The following MIER1 variants were observed in gnomAD, a reference collection of about 807,000 sequenced individuals.
MIER1 encodes MIER1 transcriptional regulator.
MIER1 carries 40 observed loss-of-function variants against 75.7 expected under a neutral mutation model. The ratio of observed to expected loss-of-function variants is 0.53; its 90% CI spans 0.41 to 0.69. MIER1 has a LOEUF of 0.69. MIER1 is among the 30% of genes least tolerant of loss of function. The pLI is 0.00. For synonymous variants in MIER1, 213 were observed against 223.4 expected, an observed-to-expected ratio of 0.95 and a Z score of 0.42; for missense variants, 574 against 680.2, an observed-to-expected ratio of 0.84 and a Z score of 1.74.
Position 66,985,706 on chromosome 1 carries a change from T to G in MIER1, c.*806T>G. 1.0e-6 allele frequency: 1 copy of G among 985,110 alleles called. No homozygotes were observed. Among genetic ancestry groups the G allele is most frequent in the Non-Finnish European group, 1.2e-6 (1 of 829,558 alleles). 61.0% of individuals were successfully genotyped at this position (985,110 alleles called of 1,614,324 possible). A position where few individuals can be genotyped will look rare whatever the true frequency, so the allele number is the denominator to read the frequency against. ...GAATTGTTATTCTGAGTCTGTCAGC[T>G]TTCATTTTATTTTGCTAAGGTTTTT... On this transcript the variant is annotated 3_prime_UTR_variant, in exon 14 of 14. Coordinates refer to ENST00000401041, the MANE Select transcript of MIER1 (RefSeq NM_001077700.3).
At chr1:66,935,575 C>T (rs1453553099) in intron 2 of MIER1, among the ~76,000 whole-genome samples, 1 of 152,014 alleles carries the variant, frequency 6.6e-6, no homozygotes, top group Non-Finnish European at 1.5e-5. Context: ...TAATCAGTTC[C>T]CAGTGACTTT....
intron 3 of MIER1, among the ~76,000 whole-genome samples, chr1:66,943,357 A>C (rs1656699550): frequency 6.6e-6 from 1 of 152,224 alleles, no homozygotes; most frequent in Admixed American, 6.5e-5. Context: ...TTCTGGAAGA[A>C]AATTAAGATA....
At chr1:66,974,386 G>A (rs1179738910) in intron 11 of MIER1, among the ~76,000 whole-genome samples, 1 of 151,496 alleles carries the variant, frequency 6.6e-6, no homozygotes, top group African/African-American at 2.4e-5. Context: ...AAAAAAGTTC[G>A]TTGTTTCATG....
At chr1:66,945,619 TG>T (rs559426796) in intron 3 of MIER1, among the ~76,000 whole-genome samples, 1 of 152,242 alleles carries the variant, frequency 6.6e-6, no homozygotes, top group South Asian at 2.1e-4. Context: ...CCCAGGACTT[TG>T]GGACGCCAAG....
intron 8 of MIER1, among the ~76,000 whole-genome samples, chr1:66,969,647 TGTTA>T (rs1663204294): frequency 2.0e-5 from 3 of 151,986 alleles, no homozygotes; most frequent in Admixed American, 2.0e-4. Context: ...ATTTTGACGC[TGTTA>T]GTTATTCTTT....
rs909735533 is a variant in MIER1, at chr1:66,986,003, G to A, written c.*1103G>A. On this transcript the variant is annotated 3_prime_UTR_variant, in exon 14 of 14. Coordinates refer to ENST00000401041, the MANE Select transcript of MIER1 (RefSeq NM_001077700.3). ...AATATATCATGCTGACCAGAATCCT[G>A]TTATTTTTATATGCATCATAAAATT... 8 of 990,000 alleles carry A rather than the reference G, an allele frequency of 8.1e-6. No individual in the cohort carries two copies. Among genetic ancestry groups the A allele is most frequent in the African/African-American group, 3.5e-5 (2 of 57,266 alleles). 61.3% of individuals were successfully genotyped at this position (990,000 alleles called of 1,614,324 possible).
intron 1 of MIER1, 126 bp downstream of exon 1, chr1:66,925,221 C>A: frequency 1.5e-6 from 2 of 1,370,516 alleles, no homozygotes; most frequent in Non-Finnish European, 1.9e-6. Context: ...CCCGGAAGAC[C>A]CTTAACTTCC....
chr1:66,946,166 A>C lies in MIER1; in HGVS notation c.210A>C (p.Ser70=). 1 of 1,609,260 alleles carries C rather than the reference A, an allele frequency of 6.2e-7. No homozygotes were observed. Among genetic ancestry groups the C allele is most frequent in the Non-Finnish European group, 8.5e-7 (1 of 1,178,996 alleles). The stretch of plus-strand genomic sequence containing the variant: ...CCTTACCAGGAGGTTCAGCAACATC[A>C]GATGACCATGAATTTGATCCATCAG... ...ESSSPGGSAT[S]DDHEFDPSAD... is the part of the protein sequence containing the mutation. The change falls in exon 4 of 14, where the codon TCA becomes TCC. Residue 70 remains serine, a synonymous_variant. Coordinates refer to ENST00000401041, the MANE Select transcript of MIER1 (RefSeq NM_001077700.3).
intron 3 of MIER1, among the ~76,000 whole-genome samples, chr1:66,944,338 ATTTG>A (rs1268117105): frequency 6.6e-6 from 1 of 151,620 alleles, no homozygotes; most frequent in Non-Finnish European, 1.5e-5. Flanking sequence ...TCAGTAACTC[ATTTG>A]TTTATCAGTA....
chr1:66,933,327 A>G (rs1653903269), intron 2 of MIER1, among the ~76,000 whole-genome samples: 7 of 152,186 alleles, frequency 4.6e-5, no homozygotes, highest in Admixed American at 4.6e-4. Flanking sequence ...GCGTTTGTAA[A>G]CACGTAAGGG....
In MIER1 at chr1:66,987,305, G is replaced by A. The variant is rs1429179122; in HGVS notation, c.*2405G>A. 2.0e-5 allele frequency: 3 copies of A among 152,696 alleles called. No homozygotes were observed. The highest frequency in any genetic ancestry group is 4.4e-5 in the Non-Finnish European group (3 of 67,984). The allele number at this position is 152,696 out of a possible 1,614,324, so 9.5% of individuals were successfully genotyped here. ...AATATCATGAATTTAATTTGCTTAA[G>A]ATTTAGTACATTTCAGAACTTTTGA... On this transcript the variant is annotated 3_prime_UTR_variant, in exon 14 of 14. Coordinates refer to ENST00000401041, the MANE Select transcript of MIER1 (RefSeq NM_001077700.3).
Position 66,930,508 on chromosome 1 carries a change from C to T in MIER1, c.168+4266C>T, listed in dbSNP as rs545054794. ...AGGAGAGGCCCGGCCCTGCTGGCGCCGCTGCCCACCTGTTGTCCGGAACAG... is the reference window on the plus strand; with the variant it reads ...AGGAGAGGCCCGGCCCTGCTGGCGCTGCTGCCCACCTGTTGTCCGGAACAG... On this transcript the variant is annotated intron_variant, in intron 2 of 13. Coordinates refer to ENST00000401041, the MANE Select transcript of MIER1 (RefSeq NM_001077700.3). 7.5e-5 allele frequency: 88 copies of T among 1,166,354 alleles called. 1 individual carries two copies. In the South Asian group the frequency reaches 1.1e-3, roughly 15 times the overall value. The allele number at this position is 1,166,354 out of a possible 1,614,324, so 72.3% of individuals were successfully genotyped here.
intron 8 of MIER1, among the ~76,000 whole-genome samples, chr1:66,969,795 A>C (rs1018509295): frequency 3.9e-5 from 6 of 151,942 alleles, no homozygotes; most frequent in Admixed American, 3.9e-4. Flanking sequence ...CCCTATCTCC[A>C]CCATCATAAC....
intron 2 of MIER1, among the ~76,000 whole-genome samples, chr1:66,938,264 ATTG>A (rs1214891221): frequency 1.3e-5 from 2 of 152,206 alleles, no homozygotes; most frequent in East Asian, 3.8e-4. Context: ...CAAAATCTCT[ATTG>A]TTAATATCTA....
At chr1:66,958,724 A>G in intron 5 of MIER1, 127 bp from the exon 6 acceptor site, 1 of 673,184 alleles carries the variant, frequency 1.5e-6, no homozygotes, top group South Asian at 2.7e-5. Context: ...AACCCAGAGG[A>G]TGATACTACA....
intron 12 of MIER1, among the ~76,000 whole-genome samples, chr1:66,979,880 G>A (rs1382685759): frequency 1.3e-5 from 2 of 151,518 alleles, no homozygotes; most frequent in East Asian, 1.9e-4. Context: ...TTCTACTGCC[G>A]CCGCCTCCCG....
chr1:66,960,062 A>G (rs1660967016), intron 7 of MIER1: 1 of 165,890 alleles, frequency 6.0e-6, no homozygotes, highest in Non-Finnish European at 1.3e-5. Flanking sequence ...CATTTTATAA[A>G]ACAAAACAAA....
intron 8 of MIER1, among the ~76,000 whole-genome samples, chr1:66,970,323 G>C (rs1016953773): frequency 6.6e-6 from 1 of 152,148 alleles, no homozygotes; most frequent in Admixed American, 6.5e-5. Flanking sequence ...GAATTAAGCA[G>C]TGTTAACATT....
At chr1:66,953,894 G>A (rs2101631429) in intron 4 of MIER1, among the ~76,000 whole-genome samples, 1 of 152,176 alleles carries the variant, frequency 6.6e-6, no homozygotes, top group South Asian at 2.1e-4. Context: ...GTGAGCCACT[G>A]CACCCAGCAT....
Sources: gnomAD v4.1 joint callset for allele counts (sites outside exome capture counted in the v4.1 genomes callset) on GRCh38, gnomAD v4.1.1 for gene constraint, MANE v1.5 for transcripts, NCBI Gene and HGNC (gene_info 2026-07-23, HGNC 2026-07-21) for gene names.